The following PADI2 variants were observed in gnomAD, a reference collection of about 807,000 sequenced individuals.
The protein encoded by PADI2 is protein-arginine deiminase type-2.
A neutral mutation model predicts 81.1 loss-of-function variants in PADI2; 70 were observed. The observed-to-expected ratio is 0.86, with a 90% CI of 0.71 to 1.05. The LOEUF (loss-of-function observed/expected upper bound fraction) is 1.05, where lower values mean the gene tolerates loss of function less well. Among genes scored for constraint, PADI2 ranks in the 50% least tolerant of loss-of-function variants. The pLI is 0.00. For missense variants in PADI2, 853 were observed against 889.9 expected, an observed-to-expected ratio of 0.96 and a Z score of 0.53; for synonymous variants, 338 against 358.0, an observed-to-expected ratio of 0.94 and a Z score of 0.63.
At chr1:17,074,489 C>G (rs1287531141) in intron 13 of PADI2, among the ~76,000 whole-genome samples, 1 of 152,208 alleles carries the variant, frequency 6.6e-6, no homozygotes, top group Non-Finnish European at 1.5e-5. Flanking sequence ...CTTTCTTCAG[C>G]CTCCAAAGGT....
intron 2 of PADI2, among the ~76,000 whole-genome samples, chr1:17,104,473 C>T (rs557175232): frequency 1.4e-4 from 14 of 98,138 alleles, no homozygotes; most frequent in Middle Eastern, 0.013. Context: ...CTCGCTCTGT[C>T]GCCCAGGCTG....
In PADI2 at chr1:17,071,433, G is replaced by C; in HGVS notation, c.1608C>G (p.Ser536Arg). ...GGAAGTACAGGTTCTCCTGCACAAG[G>C]CTCTCGTTGGACAGAATCTTGTTGA... is the stretch of plus-strand genomic sequence containing the variant. Reference protein sequence around the residue: ...ITINKILSNESLVQENLYFQR... With the variant: ...ITINKILSNERLVQENLYFQR... The change falls in exon 14 of 16, where the codon AGC (serine) becomes AGG (arginine). Residue 536 changes from serine to arginine, a missense_variant. By Grantham distance (110) the Ser-to-Arg change is moderately radical. Coordinates refer to ENST00000375486, the MANE Select transcript of PADI2 (RefSeq NM_007365.3). The C allele has an allele frequency of 1.9e-6, 3 of 1,613,906 alleles. No homozygotes were observed. Among genetic ancestry groups the C allele is most frequent in the Non-Finnish European group, 2.5e-6 (3 of 1,179,756 alleles).
intron 3 of PADI2, among the ~76,000 whole-genome samples, chr1:17,097,892 G>A (rs1001497225): frequency 1.3e-5 from 2 of 152,052 alleles, no homozygotes; most frequent in East Asian, 1.9e-4. Flanking sequence ...CTCCTCCCTC[G>A]GAAGGAGCCG....
At chr1:17,118,660 C>G (rs1931839877) in intron 1 of PADI2, among the ~76,000 whole-genome samples, 1 of 152,216 alleles carries the variant, frequency 6.6e-6, no homozygotes, top group Non-Finnish European at 1.5e-5. Flanking sequence ...AATATTGTCC[C>G]TCTGTGGTCT....
chr1:17,082,419 A>G lies in PADI2; in HGVS notation c.1158+126T>C, dbSNP rs1316116872. ...GCTATCCCAAGTGGACTCATTTTGC[A>G]GAGGAGAAACAGAGGCTCTGGGCAG... On this transcript the variant is annotated intron_variant, in intron 10 of 15. Coordinates refer to ENST00000375486, the MANE Select transcript of PADI2 (RefSeq NM_007365.3). The G allele has an allele frequency of 3.8e-5, 26 of 676,694 alleles. No individual in the cohort carries two copies. The Admixed American group carries it at 5.9e-4, about 15-fold the overall frequency. The allele number at this position is 676,694 out of a possible 1,614,324, so 41.9% of individuals were successfully genotyped here.
chr1:17,118,814 T>G (rs1931844446), intron 1 of PADI2, among the ~76,000 whole-genome samples: 1 of 152,068 alleles, frequency 6.6e-6, no homozygotes, highest in Non-Finnish European at 1.5e-5. Flanking sequence ...GCAGCTCCCT[T>G]CGGGTCCTGC....
intron 12 of PADI2, chr1:17,075,246 G>C: frequency 3.0e-6 from 1 of 335,914 alleles, no homozygotes; most frequent in South Asian, 4.5e-5. Flanking sequence ...GTATGAAGTT[G>C]TACCCATAAG....
intron 1 of PADI2, among the ~76,000 whole-genome samples, chr1:17,118,213 G>A (rs765508378): frequency 1.2e-4 from 19 of 152,104 alleles, no homozygotes; most frequent in Non-Finnish European, 2.2e-4. Context: ...CCACGATGGT[G>A]CCTCCGTGTG....
At chr1:17,072,610 CCT>C (rs2078272362) in intron 13 of PADI2, among the ~76,000 whole-genome samples, 1 of 152,300 alleles carries the variant, frequency 6.6e-6, no homozygotes, top group East Asian at 1.9e-4. Context: ...ATCCGCGCAT[CCT>C]CTCTCTGTCT....
chr1:17,102,884 G>A, intron 3 of PADI2, 103 bp downstream of exon 3: 1 of 797,338 alleles, frequency 1.3e-6, no homozygotes, highest in Non-Finnish European at 2.1e-6. Flanking sequence ...AGCTCCAAGT[G>A]CCAGGTCAGC....
At chr1:17,096,922 G>C (rs1930954778) in intron 3 of PADI2, among the ~76,000 whole-genome samples, 3 of 152,162 alleles carry the variant, frequency 2.0e-5, no homozygotes, top group African/African-American at 7.2e-5. Flanking sequence ...TGCATTGTAG[G>C]ATGTTTAACA....
chr1:17,081,082 G>A lies in PADI2; in HGVS notation c.1158+1463C>T, dbSNP rs61562070. 3.0e-3 allele frequency among the ~76,000 whole-genome samples: 454 copies of A among 152,350 alleles called. 4 individuals are homozygous for A. The highest frequency in any genetic ancestry group is 0.02 in the East Asian group (102 of 5,184). The stretch of plus-strand genomic sequence containing the variant: ...ACGCAGCCTGGGGCCTTGGAACCAG[G>A]CCAGCCTGGAATACTGAAGGCAGGT... On this transcript the variant is annotated intron_variant, in intron 10 of 15. Transcript: ENST00000375486.
chr1:17,077,280 AC>A, intron 11 of PADI2, among the ~76,000 whole-genome samples: 2 of 152,268 alleles, frequency 1.3e-5, no homozygotes, highest in Middle Eastern at 6.8e-3. Context: ...TAATTGATTT[AC>A]TTGATTCCAT....
At chr1:17,080,224 C>G (rs1029651242) in intron 10 of PADI2, among the ~76,000 whole-genome samples, 6 of 152,250 alleles carry the variant, frequency 3.9e-5, no homozygotes, top group African/African-American at 1.4e-4. Context: ...TGCCATGTGA[C>G]TTCTGGCATC....
chr1:17,066,903 C>G lies in PADI2; in HGVS notation c.*2141G>C, dbSNP rs1557753750. The G allele has an allele frequency of 6.6e-6, 1 of 152,158 alleles. No homozygotes were observed. 9.4% of individuals were successfully genotyped at this position (152,158 alleles called of 1,614,324 possible). ...CTTCACGACATCCCCTGCCCTCTTA[C>G]ATAAGATATTTCAACATCAAGGTGG... On this transcript the variant is annotated 3_prime_UTR_variant, in exon 16 of 16. Coordinates refer to ENST00000375486, the MANE Select transcript of PADI2 (RefSeq NM_007365.3).
In PADI2 at chr1:17,093,693, G is replaced by A; in HGVS notation, c.412-9C>T. ...CCCCAGGTCCAGGATGCCTACAGTG[G>A]CAGGAAGAAAGGTCAGTGCCCTCTT... On this transcript the variant is annotated splice_polypyrimidine_tract_variant and intron_variant, in intron 4 of 15. Coordinates refer to ENST00000375486, the MANE Select transcript of PADI2 (RefSeq NM_007365.3). 6.5e-7 allele frequency: 1 copy of A among 1,540,066 alleles called. No individual in the cohort carries two copies. Among genetic ancestry groups the A allele is most frequent in the Non-Finnish European group, 9.0e-7 (1 of 1,112,676 alleles).
Position 17,091,788 on chromosome 1 carries a change from C to G in PADI2, c.655+620G>C, listed in dbSNP as rs530125196. ...CAATTGTGGTACTGATTATGTCTCT[C>G]TTGCTAGACTGGCGGCTCCTTGAGG... On this transcript the variant is annotated intron_variant, in intron 6 of 15. Transcript: ENST00000375486. Among the ~76,000 whole-genome samples, 66 of 152,244 alleles carry G rather than the reference C, an allele frequency of 4.3e-4. 1 individual carries two copies. Among genetic ancestry groups the G allele is most frequent in the Non-Finnish European group, 4.0e-4 (27 of 68,018 alleles).
rs551343344 is a variant in PADI2 at position 17,105,156 on chromosome 1, G to T, written c.93-95C>A. ...ACTCCTGCTTCCAGCACTTTGGGAG[G>T]TCAAAGCCCGAGAATCACTTGAGCC... On this transcript the variant is annotated intron_variant, in intron 1 of 15. Coordinates refer to ENST00000375486, the MANE Select transcript of PADI2 (RefSeq NM_007365.3). The T allele has an allele frequency of 1.4e-5, 12 of 847,302 alleles. 1 individual carries two copies. Among genetic ancestry groups the T allele is most frequent in the Middle Eastern group, 3.8e-4 (1 of 2,650 alleles). The allele number at this position is 847,302 out of a possible 1,614,324, so 52.5% of individuals were successfully genotyped here.
Position 17,074,873 on chromosome 1 carries a change from T to C in PADI2, c.1532A>G (p.Glu511Gly), listed in dbSNP as rs1404390464. Reference protein sequence around the residue: ...FREKQKDGHGEAIMFKGLGGM... With the variant: ...FREKQKDGHGGAIMFKGLGGM... The stretch of plus-strand genomic sequence containing the variant: ...CCACTCACCTTTGAACATGATGGCC[T>C]CTCCATGGCCGTCCTTCTGCTTCTC... The change falls in exon 13 of 16, where the codon GAG becomes GGG. Residue 511 changes from glutamate (E) to glycine (G), a missense_variant. Physicochemically the swap from Glu to Gly is moderately conservative, Grantham distance 98. Transcript: ENST00000375486. 6.2e-7 allele frequency: 1 copy of C among 1,611,440 alleles called. No individual in the cohort carries two copies. Among genetic ancestry groups the C allele is most frequent in the Admixed American group, 1.7e-5 (1 of 59,946 alleles).
Sources: allele counts gnomAD v4.1 joint callset (sites outside exome capture counted in the v4.1 genomes callset), GRCh38; gene constraint gnomAD v4.1.1; transcripts MANE v1.5; gene names NCBI Gene and HGNC (gene_info 2026-07-23, HGNC 2026-07-21).